PRICKLE2: variants seen among roughly 807,000 people sequenced by gnomAD.
The protein encoded by PRICKLE2 is prickle planar cell polarity protein 2.
PRICKLE2 carries 21 observed loss-of-function variants against 81.4 expected under a neutral mutation model. The ratio of observed to expected loss-of-function variants is 0.26; its 90% CI spans 0.18 to 0.37. PRICKLE2 has a LOEUF of 0.37. Ranked by LOEUF, PRICKLE2 falls within the 10% of genes least tolerant of loss-of-function variation. PRICKLE2 has a pLI of 1.00. For missense variants in PRICKLE2, 940 were observed against 1,109.0 expected, an observed-to-expected ratio of 0.85 and a Z score of 2.16; for synonymous variants, 456 against 421.5, an observed-to-expected ratio of 1.08 and a Z score of -1.00.
intron 7 of PRICKLE2, among the ~76,000 whole-genome samples, chr3:64,116,381 A>G (rs1177584320): frequency 6.6e-6 from 1 of 152,130 alleles, no homozygotes; most frequent in Non-Finnish European, 1.5e-5. Context: ...GACACAAAAA[A>G]GCCATTCAAA....
chr3:64,218,843 T>C (rs981415224), intron 1 of PRICKLE2, among the ~76,000 whole-genome samples: 2 of 152,110 alleles, frequency 1.3e-5, no homozygotes, highest in African/African-American at 4.8e-5. Context: ...CAGGGGAGCT[T>C]GTTAAAAATT....
At chr3:64,191,077 A>T (rs539206500) in intron 2 of PRICKLE2, among the ~76,000 whole-genome samples, 1 of 152,150 alleles carries the variant, frequency 6.6e-6, no homozygotes, top group Non-Finnish European at 1.5e-5. Flanking sequence ...TTGTATCTTT[A>T]TAACAATCCC....
At chr3:64,103,055 G>A (rs1208385545) in intron 7 of PRICKLE2, 1 of 152,176 alleles carries the variant, frequency 6.6e-6, no homozygotes, top group African/African-American at 2.4e-5. Flanking sequence ...TACATTACAG[G>A]TGTTGTTTGT....
chr3:64,202,639 T>TGTGTGC (rs1470080151), intron 1 of PRICKLE2, among the ~76,000 whole-genome samples: 27 of 82,560 alleles, frequency 3.3e-4, no homozygotes, highest in Admixed American at 3.1e-3. Flanking sequence ...TTTAGGTACT[T>TGTGTGC]GTGTGCGTGT....
intron 1 of PRICKLE2, 120 bp from the exon 2 acceptor site, chr3:64,199,087 C>T (rs1315558509): frequency 1.0e-5 from 9 of 858,832 alleles, no homozygotes; most frequent in African/African-American, 3.3e-5. Flanking sequence ...CAATGGGCAT[C>T]GGGCAAAGGC....
intron 1 of PRICKLE2, among the ~76,000 whole-genome samples, chr3:64,201,123 G>C (rs903383740): frequency 1.3e-5 from 2 of 151,260 alleles, no homozygotes; most frequent in Admixed American, 6.6e-5. Context: ...TAGAGACCGG[G>C]TTTCACCATA....
chr3:64,099,345 C>G lies in PRICKLE2; in HGVS notation c.2241G>C (p.Gln747His), dbSNP rs2106935127. ...GHGSRRDLYG[Q>H]CPRTVSDLAL... is the part of the protein sequence containing the mutation. ...CCAGGTCCGACACAGTCCTAGGGCA[C>G]TGGCCGTACAGGTCCCTCCGGGACC... Residue 747 changes from glutamine to histidine, a missense_variant, in exon 8 of 8, where the codon CAG becomes CAC. Around this residue, in one of 2 missense-constraint regions of PRICKLE2, gnomAD observed 670 missense variants for 717.2 expected, o/e 0.93. Coordinates refer to ENST00000638394, the MANE Select transcript of PRICKLE2 (RefSeq NM_198859.4). The surrounding 1 kb of genome is among the most constrained non-coding windows in gnomAD (Gnocchi z 4.3). 6.2e-7 allele frequency: 1 copy of G among 1,614,208 alleles called. No homozygotes were observed. Among genetic ancestry groups the G allele is most frequent in the Non-Finnish European group, 8.5e-7 (1 of 1,180,002 alleles).
intron 1 of PRICKLE2, among the ~76,000 whole-genome samples, chr3:64,223,483 C>T (rs1395352688): frequency 6.6e-6 from 1 of 152,160 alleles, no homozygotes; most frequent in African/African-American, 2.4e-5. Flanking sequence ...CTTTCTTCCT[C>T]TATTTCTATT....
intron 3 of PRICKLE2, among the ~76,000 whole-genome samples, chr3:64,160,368 C>T (rs1000184930): frequency 2.0e-5 from 3 of 152,316 alleles, no homozygotes; most frequent in East Asian, 3.9e-4. Context: ...TCACTCTGCT[C>T]ACCATGTTAA....
Position 64,146,830 on chromosome 3 carries a change from C to G in PRICKLE2, c.1660G>C (p.Gly554Arg). 1.2e-6 allele frequency: 2 copies of G among 1,614,078 alleles called. No homozygotes were observed. The highest frequency in any genetic ancestry group is 1.7e-6 in the Non-Finnish European group (2 of 1,180,012). Reference protein sequence around the residue: ...MESLALSNATGLSADGGAKRQ... With the variant: ...MESLALSNATRLSADGGAKRQ... ...TGTTTTCAAGGTGAACAGAACCTACCTGTTGCATTAGACAGGGCCAGGGAT... is the reference window on the plus strand; with the variant it reads ...TGTTTTCAAGGTGAACAGAACCTACGTGTTGCATTAGACAGGGCCAGGGAT... Residue 554 changes from glycine (G) to arginine (R), a missense_variant and splice_region_variant, in exon 7 of 8, where the codon GGC becomes CGC. This residue lies in a region of PRICKLE2 where 670 missense variants were observed against 717.2 expected (regional missense o/e 0.93). Coordinates refer to ENST00000638394, the MANE Select transcript of PRICKLE2 (RefSeq NM_198859.4).
At chr3:64,193,663 C>T (rs2078391030) in intron 2 of PRICKLE2, among the ~76,000 whole-genome samples, 1 of 152,184 alleles carries the variant, frequency 6.6e-6, no homozygotes, top group South Asian at 2.1e-4. Context: ...AAATCTCATC[C>T]TGCATTCCCA....
intron 7 of PRICKLE2, among the ~76,000 whole-genome samples, chr3:64,135,083 G>A (rs1476357768): frequency 6.6e-6 from 1 of 152,206 alleles, no homozygotes; most frequent in Admixed American, 6.5e-5. Flanking sequence ...CCCTGCAGGT[G>A]TTCTTGGACT....
At chr3:64,221,244 C>G (rs1401791637) in intron 1 of PRICKLE2, among the ~76,000 whole-genome samples, 3 of 152,108 alleles carry the variant, frequency 2.0e-5, no homozygotes, top group Non-Finnish European at 4.4e-5. Context: ...CTCTCTCCAG[C>G]CTTGCTTTTT....
In PRICKLE2 at chr3:64,147,315, G is replaced by T. The variant is rs2077472798; in HGVS notation, c.1175C>A (p.Pro392His). Residue 392 changes from proline (P) to histidine (H), a missense_variant, in exon 7 of 8, where the codon CCC (proline) becomes CAC (histidine). This residue lies in a region of PRICKLE2 where 670 missense variants were observed against 717.2 expected (regional missense o/e 0.93). Coordinates refer to ENST00000638394, the MANE Select transcript of PRICKLE2 (RefSeq NM_198859.4). This position sits in a 1 kb window ranked among gnomAD's most constrained non-coding sequence, Gnocchi z 5.0. ...GGGCTCTTCCCGGCTCCTCCAGATG[G>T]GGTCCCGGTTGAGGCTGGGTGTCTG... ...SSQTPSLNRD[P>H]IWRSREEPYH... 6.2e-7 allele frequency: 1 copy of T among 1,613,930 alleles called. No homozygotes were observed. Among genetic ancestry groups the T allele is most frequent in the Non-Finnish European group, 8.5e-7 (1 of 1,179,880 alleles).
chr3:64,256,532 G>A (rs1264424270), intron 2 of PRICKLE2, among the ~76,000 whole-genome samples: 1 of 152,086 alleles, frequency 6.6e-6, no homozygotes, highest in Non-Finnish European at 1.5e-5. Flanking sequence ...CCATGATGTA[G>A]AAAAGTCTCC....
At chr3:64,155,901 A>C (rs545962534) in intron 5 of PRICKLE2, among the ~76,000 whole-genome samples, 2 of 152,236 alleles carry the variant, frequency 1.3e-5, no homozygotes, top group South Asian at 4.2e-4. Flanking sequence ...TAATGGATAA[A>C]GAGTTTCTCT....
At chr3:64,162,791 G>A (rs914979646) in intron 3 of PRICKLE2, among the ~76,000 whole-genome samples, 14 of 152,144 alleles carry the variant, frequency 9.2e-5, no homozygotes, top group Admixed American at 2.0e-4. Context: ...GTAGTGCCAG[G>A]CATAGAGGCC....
At chr3:64,158,045 T>C (rs529400941) in intron 4 of PRICKLE2, among the ~76,000 whole-genome samples, 3 of 152,344 alleles carry the variant, frequency 2.0e-5, no homozygotes, top group Admixed American at 6.5e-5. Context: ...CAAGGCAGAA[T>C]CACTGGCCAC....
intron 2 of PRICKLE2, among the ~76,000 whole-genome samples, chr3:64,244,837 C>T (rs2081092819): frequency 6.6e-6 from 1 of 152,120 alleles, no homozygotes; most frequent in African/African-American, 2.4e-5. Context: ...ATATGTAATA[C>T]ACAGGTATGA....
Sources: allele counts gnomAD v4.1 joint callset (sites outside exome capture counted in the v4.1 genomes callset), GRCh38; gene constraint gnomAD v4.1.1; regional missense constraint gnomAD v4.1.1; non-coding constraint Gnocchi (gnomAD v3.1); transcripts MANE v1.5; gene names NCBI Gene and HGNC (gene_info 2026-07-23, HGNC 2026-07-21).